CSMD1: variants seen among roughly 807,000 people sequenced by gnomAD.
CSMD1 encodes CUB and Sushi multiple domains 1.
CSMD1 carries 213 observed loss-of-function variants against 417.5 expected under a neutral mutation model. The observed-to-expected ratio is 0.51, with a 90% CI of 0.46 to 0.57. The LOEUF (loss-of-function observed/expected upper bound fraction) is 0.57, where lower values mean the gene tolerates loss of function less well. Ranked by LOEUF, CSMD1 falls within the 20% of genes least tolerant of loss-of-function variation. The pLI, the probability that CSMD1 is intolerant of heterozygous loss-of-function variation, is 0.00. For synonymous variants in CSMD1, 2,862 were observed against 1,736.8 expected, an observed-to-expected ratio of 1.65 and a Z score of -16.11; for missense variants, 6,923 against 4,529.7, an observed-to-expected ratio of 1.53 and a Z score of -15.17.
At chr8:4,877,269 C>A (rs1342832558) in intron 1 of CSMD1, among the ~76,000 whole-genome samples, 1 of 151,876 alleles carries the variant, frequency 6.6e-6, no homozygotes, top group African/African-American at 2.4e-5. Context: ...AATTTGTAGC[C>A]AGTATTTTGA....
At position 3,824,747 on chromosome 8, in the gene CSMD1, TGTGGCTCACATTG is replaced by T. The variant is rs1186862936; in HGVS notation, c.819-70718_819-70706del. Among the ~76,000 whole-genome samples the T allele has an allele frequency of 5.3e-5, 8 of 152,304 alleles. No individual in the cohort carries two copies. In the South Asian group the frequency reaches 1.2e-3, roughly 24 times the overall value. On this transcript the variant is annotated intron_variant, in intron 5 of 69. Coordinates refer to ENST00000635120, the MANE Select transcript of CSMD1 (RefSeq NM_033225.6). ...TGGCTACTAGAGAATTAAAATGAGATGTGGCTCACATTGGTGGCTCACAATATATTGGACAGCA... is the reference window on the plus strand; with the variant it reads ...TGGCTACTAGAGAATTAAAATGAGATGTGGCTCACAATATATTGGACAGCA...
intron 7 of CSMD1, among the ~76,000 whole-genome samples, chr8:3,655,491 T>A (rs1798055814): frequency 6.6e-6 from 1 of 152,120 alleles, no homozygotes. Context: ...AGAAATAGGT[T>A]TGGCATAAAC....
intron 6 of CSMD1, among the ~76,000 whole-genome samples, chr8:3,726,378 T>G: frequency 6.6e-6 from 1 of 152,206 alleles, no homozygotes; most frequent in East Asian, 1.9e-4. Context: ...CACCACCATC[T>G]TTCAGGCTAT....
Position 3,493,670 on chromosome 8 carries a change from C to A in CSMD1, c.1401G>T (p.Thr467=), listed in dbSNP as rs190904600. The change falls in exon 11 of 70, where the codon ACG becomes ACT. Residue 467 remains threonine, a synonymous_variant. Coordinates refer to ENST00000635120, the MANE Select transcript of CSMD1 (RefSeq NM_033225.6). The part of the protein sequence containing the change: ...FELERGYDTL[T]VGDAGKVGDT... ...CTCCCACCTTCCCAGCATCACCAACCGTCAGGGTGTCATAGCCTCGCTCCA... is the reference window on the plus strand; with the variant it reads ...CTCCCACCTTCCCAGCATCACCAACAGTCAGGGTGTCATAGCCTCGCTCCA... 3 of 1,612,398 alleles carry A rather than the reference C, an allele frequency of 1.9e-6. No individual in the cohort carries two copies. The highest frequency in any genetic ancestry group is 2.5e-6 in the Non-Finnish European group (3 of 1,179,332).
intron 2 of CSMD1, among the ~76,000 whole-genome samples, chr8:4,578,332 ATTT>A (rs1172600205): frequency 3.0e-3 from 148 of 48,764 alleles, no homozygotes; most frequent in East Asian, 0.021. Flanking sequence ...CACCCGGCTC[ATTT>A]TTTTTTTTTT....
At chr8:4,381,885 C>T (rs1300874381) in intron 3 of CSMD1, among the ~76,000 whole-genome samples, 6 of 151,976 alleles carry the variant, frequency 3.9e-5, no homozygotes, top group Admixed American at 3.9e-4. Context: ...TTTTTGGTTC[C>T]CTGCTATACA....
chr8:3,619,892 A>G (rs145030771), intron 7 of CSMD1, among the ~76,000 whole-genome samples: 5 of 152,318 alleles, frequency 3.3e-5, no homozygotes, highest in African/African-American at 1.2e-4. Context: ...ACTTGACGTC[A>G]GGAATTCAAG....
chr8:3,508,868 T>G (rs749319035), intron 10 of CSMD1, among the ~76,000 whole-genome samples: 1 of 152,138 alleles, frequency 6.6e-6, no homozygotes, highest in African/African-American at 2.4e-5. Flanking sequence ...GTGACAAAAG[T>G]GACCAGTTAG....
At chr8:3,380,480 G>T (rs1407564866) in intron 18 of CSMD1, among the ~76,000 whole-genome samples, 1 of 152,086 alleles carries the variant, frequency 6.6e-6, no homozygotes, top group Non-Finnish European at 1.5e-5. Flanking sequence ...CAAGGACTTG[G>T]AACAAACCCA....
intron 1 of CSMD1, among the ~76,000 whole-genome samples, chr8:4,738,979 T>C (rs1479148057): frequency 1.3e-5 from 2 of 151,784 alleles, no homozygotes; most frequent in Non-Finnish European, 2.9e-5. Flanking sequence ...TACCTTCTCT[T>C]GGGAAAATAA....
intron 1 of CSMD1, among the ~76,000 whole-genome samples, chr8:4,666,273 T>C (rs1363070483): frequency 6.6e-6 from 1 of 152,162 alleles, no homozygotes; most frequent in East Asian, 1.9e-4. Context: ...CGGTTGCTAA[T>C]AAGCTAACCT....
At chr8:4,654,989 A>T (rs1399954462) in intron 1 of CSMD1, among the ~76,000 whole-genome samples, 1 of 151,456 alleles carries the variant, frequency 6.6e-6, no homozygotes, top group South Asian at 2.1e-4. Context: ...CAAATAACTA[A>T]CCATTGTTTG....
At chr8:3,427,574 A>G (rs960494408) in intron 12 of CSMD1, among the ~76,000 whole-genome samples, 1 of 152,192 alleles carries the variant, frequency 6.6e-6, no homozygotes, top group Non-Finnish European at 1.5e-5. Flanking sequence ...CATATTTCAA[A>G]TCTATGAGAT....
chr8:4,277,684 C>T (rs1401835224), intron 3 of CSMD1, among the ~76,000 whole-genome samples: 1 of 152,150 alleles, frequency 6.6e-6, no homozygotes, highest in African/African-American at 2.4e-5. Flanking sequence ...ACACAAGCGA[C>T]AGAATTTAAG....
rs116119151 is a variant in CSMD1, at chr8:4,862,557, G to T, written c.85+131775C>A. Among the ~76,000 whole-genome samples, 5 of 152,136 alleles carry T rather than the reference G, an allele frequency of 3.3e-5. No individual in the cohort carries two copies. The Middle Eastern group carries it at 0.01, about 310-fold the overall frequency. On this transcript the variant is annotated intron_variant, in intron 1 of 69. Coordinates refer to ENST00000635120, the MANE Select transcript of CSMD1 (RefSeq NM_033225.6). The stretch of plus-strand genomic sequence containing the variant: ...TAGTGGAGGTGGTAAGAAGAGACTA[G>T]ATCGTGGATATATTTTGATGTTAGA...
At chr8:3,924,005 C>G (rs1444928557) in intron 5 of CSMD1, among the ~76,000 whole-genome samples, 1 of 152,100 alleles carries the variant, frequency 6.6e-6, no homozygotes, top group Non-Finnish European at 1.5e-5. Context: ...AAGTTTTGTG[C>G]TTTCTTGCTG....
chr8:3,490,344 T>A (rs1220936932), intron 11 of CSMD1, among the ~76,000 whole-genome samples: 2 of 152,196 alleles, frequency 1.3e-5, no homozygotes, highest in African/African-American at 4.8e-5. Flanking sequence ...TGCAATTGCT[T>A]TCTTAACAAC....
At chr8:2,980,473 TCTC>T (rs1320631031) in intron 54 of CSMD1, among the ~76,000 whole-genome samples, 7 of 151,946 alleles carry the variant, frequency 4.6e-5, no homozygotes, top group Middle Eastern at 3.4e-3. Context: ...TCCTTCTCTT[TCTC>T]CTCCTCCTTC....
intron 25 of CSMD1, among the ~76,000 whole-genome samples, chr8:3,290,524 T>G (rs75552468): frequency 1.4e-5 from 2 of 143,372 alleles, no homozygotes; most frequent in African/African-American, 5.7e-5. Flanking sequence ...GTAGTTCTCC[T>G]TGAAGAGGTC....
Sources: gnomAD v4.1 joint callset for allele counts (sites outside exome capture counted in the v4.1 genomes callset) on GRCh38, gnomAD v4.1.1 for gene constraint, MANE v1.5 for transcripts, NCBI Gene and HGNC (gene_info 2026-07-23, HGNC 2026-07-21) for gene names.